The following RALGAPA2 variants were observed in gnomAD, a reference collection of about 807,000 sequenced individuals.
The protein encoded by RALGAPA2 is ral GTPase-activating protein subunit alpha-2.
RALGAPA2 carries 139 observed loss-of-function variants against 230.4 expected under a neutral mutation model. The ratio of observed to expected loss-of-function variants is 0.60; its 90% CI spans 0.53 to 0.69. The LOEUF is 0.69. Ranked by LOEUF, RALGAPA2 falls within the 30% of genes least tolerant of loss-of-function variation. The pLI is 0.00. For synonymous variants in RALGAPA2, 847 were observed against 837.8 expected (o/e 1.01, Z -0.19); for missense variants, 2,163 against 2,276.0 (o/e 0.95, Z 1.01).
intron 24 of RALGAPA2, among the ~76,000 whole-genome samples, chr20:20,545,982 C>CT (rs1430450600): frequency 6.6e-6 from 1 of 152,186 alleles, no homozygotes; most frequent in African/African-American, 2.4e-5. Context: ...GGGAGGATCA[C>CT]TTGAGCTCAG....
chr20:20,673,181 T>C (rs1449478070), intron 3 of RALGAPA2, among the ~76,000 whole-genome samples: 3 of 149,162 alleles, frequency 2.0e-5, no homozygotes, highest in African/African-American at 5.0e-5. Context: ...AAAGACTCCA[T>C]CTTTAAAAAA....
chr20:20,525,794 G>A lies in RALGAPA2; in HGVS notation c.3693+458C>T, dbSNP rs546467602. ...TTTCCTACCAGTTACCCCCACAAAG[G>A]TTATCGTGGTAGCAATCTCATTACA... On this transcript the variant is annotated intron_variant, in intron 28 of 39. Transcript: ENST00000202677. Among the ~76,000 whole-genome samples the A allele has an allele frequency of 2.0e-5, 3 of 152,220 alleles. No individual in the cohort carries two copies. The East Asian group carries it at 5.8e-4, about 29-fold the overall frequency.
chr20:20,651,392 A>G (rs1260173516), intron 4 of RALGAPA2, among the ~76,000 whole-genome samples: 1 of 152,234 alleles, frequency 6.6e-6, no homozygotes, highest in Non-Finnish European at 1.5e-5. Flanking sequence ...TCATATTTCA[A>G]CATTCTGAAA....
intron 9 of RALGAPA2, among the ~76,000 whole-genome samples, chr20:20,630,643 C>T (rs558658749): frequency 1.3e-5 from 2 of 152,222 alleles, no homozygotes; most frequent in Non-Finnish European, 2.9e-5. Context: ...GAAAATAAAA[C>T]TTTATTCATT....
At chr20:20,541,617 G>A (rs981247330) in intron 24 of RALGAPA2, among the ~76,000 whole-genome samples, 5 of 152,156 alleles carry the variant, frequency 3.3e-5, no homozygotes, top group Admixed American at 6.5e-5. Flanking sequence ...GACAGCTCAA[G>A]GTTTCATCAT....
At chr20:20,458,074 C>T (rs981998570) in intron 37 of RALGAPA2, among the ~76,000 whole-genome samples, 4 of 152,108 alleles carry the variant, frequency 2.6e-5, no homozygotes, top group African/African-American at 9.7e-5. Context: ...GGGGAGGAGG[C>T]CACGGTCAGC....
chr20:20,701,034 T>C (rs950023449), intron 1 of RALGAPA2, among the ~76,000 whole-genome samples: 2 of 152,224 alleles, frequency 1.3e-5, no homozygotes, highest in African/African-American at 4.8e-5. Flanking sequence ...TAAACTAAGA[T>C]TGCAAGCTCT....
At chr20:20,541,595 A>G (rs1316457425) in intron 24 of RALGAPA2, among the ~76,000 whole-genome samples, 5 of 152,254 alleles carry the variant, frequency 3.3e-5, no homozygotes, top group Non-Finnish European at 5.9e-5. Context: ...TGTCCCGGGC[A>G]GGATGGGCCA....
At chr20:20,521,193 C>CCAAGCAGGAG in intron 30 of RALGAPA2, 93 bp from the exon 31 acceptor site, 1 of 1,092,982 alleles carries the variant, frequency 9.1e-7, no homozygotes, top group Non-Finnish European at 1.3e-6. Context: ...GCAGCTAGGA[C>CCAAGCAGGAG]TCCTGCTTGG....
At chr20:20,585,855 A>G (rs2065119194) in intron 18 of RALGAPA2, among the ~76,000 whole-genome samples, 1 of 152,172 alleles carries the variant, frequency 6.6e-6, no homozygotes, top group African/African-American at 2.4e-5. Flanking sequence ...AGTGGGGAAC[A>G]AGATGTAGAG....
At chr20:20,582,632 C>A (rs1028812805) in intron 20 of RALGAPA2, among the ~76,000 whole-genome samples, 1 of 152,112 alleles carries the variant, frequency 6.6e-6, no homozygotes, top group Non-Finnish European at 1.5e-5. Context: ...CTCTAGGAGA[C>A]CTCACTGGCT....
intron 14 of RALGAPA2, among the ~76,000 whole-genome samples, chr20:20,607,744 G>A (rs1386652294): frequency 6.6e-6 from 1 of 152,192 alleles, no homozygotes; most frequent in African/African-American, 2.4e-5. Context: ...GCTCTATACT[G>A]GGGATCTTAT....
intron 37 of RALGAPA2, among the ~76,000 whole-genome samples, chr20:20,438,636 C>T (rs977278208): frequency 9.2e-5 from 14 of 152,180 alleles, no homozygotes; most frequent in African/African-American, 3.1e-4. Context: ...CTCGGGACTG[C>T]ACGCACGCCA....
At chr20:20,568,213 T>TA (rs200731585) in intron 23 of RALGAPA2, among the ~76,000 whole-genome samples, 137 of 152,150 alleles carry the variant, frequency 9.0e-4, no homozygotes, top group African/African-American at 2.6e-3. Context: ...CATCAATTTT[T>TA]AAAAAAAATT....
In RALGAPA2 at chr20:20,405,355, A is replaced by C. The variant is rs77445919; in HGVS notation, c.5617+6672T>G. Among the ~76,000 whole-genome samples the C allele has an allele frequency of 5.1e-3, 776 of 152,270 alleles. 10 individuals carry two copies. The highest frequency in any genetic ancestry group is 0.018 in the African/African-American group (738 of 41,516). On this transcript the variant is annotated intron_variant, in intron 38 of 39. Coordinates refer to ENST00000202677, the MANE Select transcript of RALGAPA2 (RefSeq NM_020343.4). Reference sequence around the variant, plus strand: ...CTCCAATAAGACTTCAAGCTTCACAAGGGAAGGAGAGACACAGGCCTGCAT... The same window carrying C: ...CTCCAATAAGACTTCAAGCTTCACACGGGAAGGAGAGACACAGGCCTGCAT...
chr20:20,553,323 G>A (rs1273563051), intron 23 of RALGAPA2, among the ~76,000 whole-genome samples: 6 of 152,078 alleles, frequency 3.9e-5, no homozygotes, highest in African/African-American at 1.4e-4. Flanking sequence ...AAGCCAAGGC[G>A]GGAGGATCAC....
intron 12 of RALGAPA2, among the ~76,000 whole-genome samples, chr20:20,616,425 G>C (rs1161956221): frequency 6.6e-6 from 1 of 151,998 alleles, no homozygotes; most frequent in Non-Finnish European, 1.5e-5. Flanking sequence ...TAGGGGAAAA[G>C]AAAAAATCAC....
chr20:20,617,514 T>C (rs1363806834), intron 12 of RALGAPA2, among the ~76,000 whole-genome samples: 1 of 152,240 alleles, frequency 6.6e-6, no homozygotes, highest in African/African-American at 2.4e-5. Flanking sequence ...AGATGATATA[T>C]TGCAACACAG....
intron 3 of RALGAPA2, among the ~76,000 whole-genome samples, chr20:20,669,046 A>C (rs1443859084): frequency 1.3e-5 from 2 of 152,212 alleles, no homozygotes; most frequent in Non-Finnish European, 2.9e-5. Flanking sequence ...TAAAATTTAG[A>C]ATAAAGAATC....
Sources: gnomAD v4.1 joint callset for allele counts (sites outside exome capture counted in the v4.1 genomes callset) on GRCh38, gnomAD v4.1.1 for gene constraint, MANE v1.5 for transcripts, NCBI Gene and HGNC (gene_info 2026-07-23, HGNC 2026-07-21) for gene names.